The following RPAP2 variants were observed in gnomAD, a reference collection of about 807,000 sequenced individuals.
The protein encoded by RPAP2 is putative RNA polymerase II subunit B1 CTD phosphatase RPAP2.
Under a neutral mutation model 73.1 loss-of-function variants are expected in RPAP2, and 52 were observed. The observed-to-expected ratio is 0.71, with a 90% CI of 0.57 to 0.90. RPAP2 has a LOEUF of 0.90. RPAP2 is among the 40% of genes least tolerant of loss of function. The pLI, the probability that RPAP2 is intolerant of heterozygous loss-of-function variation, is 0.00. For missense variants in RPAP2, 598 were observed against 701.8 expected (o/e 0.85, Z 1.67); for synonymous variants, 225 against 242.1 (o/e 0.93, Z 0.65).
intron 11 of RPAP2, among the ~76,000 whole-genome samples, chr1:92,367,899 A>G (rs1654991943): frequency 6.6e-6 from 1 of 152,216 alleles, no homozygotes; most frequent in Non-Finnish European, 1.5e-5. Flanking sequence ...CGCTCAGGAA[A>G]ATCCTTCTAT....
rs1399368486 is a variant in RPAP2, at chr1:92,395,316, T to C, written c.*8305T>C. 1.3e-5 allele frequency: 2 copies of C among 152,144 alleles called. No homozygotes were observed. The highest frequency in any genetic ancestry group is 2.9e-5 in the Non-Finnish European group (2 of 68,014). The allele number at this position is 152,144 out of a possible 1,614,324, so 9.4% of individuals were successfully genotyped here. A position where few individuals can be genotyped will look rare whatever the true frequency, so the allele number is the denominator to read the frequency against. On this transcript the variant is annotated 3_prime_UTR_variant, in exon 13 of 13. Transcript: ENST00000610020. ...TAATAAATTGGACTTCATTAAAATA[T>C]AAAATTTTGTTTCAAAAAACTATTA...
chr1:92,349,517 T>G (rs1465959592), intron 11 of RPAP2, among the ~76,000 whole-genome samples: 1 of 152,156 alleles, frequency 6.6e-6, no homozygotes, highest in South Asian at 2.1e-4. Context: ...CAGGATAACA[T>G]AAATAAAACT....
rs150275588 is a variant in RPAP2, at chr1:92,329,578, C to T, written c.1456-3813C>T. Among the ~76,000 whole-genome samples, 384 of 152,300 alleles carry T rather than the reference C, an allele frequency of 2.5e-3. 3 individuals are homozygous for T. The highest frequency in any genetic ancestry group is 9.3e-3 in the South Asian group (45 of 4,826). On this transcript the variant is annotated intron_variant, in intron 8 of 12. Transcript: ENST00000610020. ...GTTCCTTGCCTTTTCTGGTATGTTTCTGCGGTAGTTCTTGGAGCAAAAGTT... is the reference window on the plus strand; with the variant it reads ...GTTCCTTGCCTTTTCTGGTATGTTTTTGCGGTAGTTCTTGGAGCAAAAGTT...
At chr1:92,340,919 T>C (rs1469208903) in intron 10 of RPAP2, among the ~76,000 whole-genome samples, 1 of 152,252 alleles carries the variant, frequency 6.6e-6, no homozygotes, top group Non-Finnish European at 1.5e-5. Context: ...AATTTATTTT[T>C]ACACAAAAGT....
At position 92,399,749 on chromosome 1, in the gene RPAP2, C is replaced by T. The variant is rs1341898515; in HGVS notation, c.*12738C>T. The T allele has an allele frequency of 6.6e-6, 1 of 152,186 alleles. No homozygotes were observed. Among genetic ancestry groups the T allele is most frequent in the Non-Finnish European group, 1.5e-5 (1 of 68,026 alleles). 9.4% of individuals were successfully genotyped at this position (152,186 alleles called of 1,614,324 possible). ...ACATCCTTACCTCTTATCCTTCTCA[C>T]ATCGTCCCATTAACACATTATCCAT... is the stretch of plus-strand genomic sequence containing the variant. On this transcript the variant is annotated 3_prime_UTR_variant, in exon 13 of 13. Transcript: ENST00000610020.
chr1:92,378,191 TCA>T (rs1655473132), intron 11 of RPAP2, among the ~76,000 whole-genome samples: 1 of 150,964 alleles, frequency 6.6e-6, no homozygotes, highest in Non-Finnish European at 1.5e-5. Flanking sequence ...ATTTATTCAT[TCA>T]TTCATTCATT....
At chr1:92,359,566 C>T (rs567461030) in intron 11 of RPAP2, among the ~76,000 whole-genome samples, 19 of 152,242 alleles carry the variant, frequency 1.2e-4, no homozygotes, top group Admixed American at 2.6e-4. Context: ...ATGATTCACC[C>T]GCCTTGGCCT....
Position 92,390,215 on chromosome 1 carries a change from G to C in RPAP2, c.*3204G>C, listed in dbSNP as rs1655999558. On this transcript the variant is annotated 3_prime_UTR_variant, in exon 13 of 13. Coordinates refer to ENST00000610020, the MANE Select transcript of RPAP2 (RefSeq NM_024813.3). ...GGACCTCTGGGCAGAAACCCTACAA[G>C]CCAGAAGAGAATGGGGGCCAATATT... 6.6e-6 allele frequency: 1 copy of C among 152,218 alleles called. No homozygotes were observed. Among genetic ancestry groups the C allele is most frequent in the South Asian group, 2.1e-4 (1 of 4,830 alleles). 9.4% of individuals were successfully genotyped at this position (152,218 alleles called of 1,614,324 possible). A position where few individuals can be genotyped will look rare whatever the true frequency, so the allele number is the denominator to read the frequency against.
Position 92,323,688 on chromosome 1 carries a change from T to C in RPAP2, c.768T>C (p.Ala256=), listed in dbSNP as rs766334864. 7 of 1,613,766 alleles carry C rather than the reference T, an allele frequency of 4.3e-6. No homozygotes were observed. The highest frequency in any genetic ancestry group is 5.9e-6 in the Non-Finnish European group (7 of 1,179,940). The part of the protein sequence containing the change: ...SIMKKKAGHK[A]NSKHKDKEQT... ...TGAAAAAGAAAGCTGGTCACAAAGC[T>C]AACTCCAAACACAAAGACAAAGAAC... Residue 256 remains alanine (A), a synonymous_variant, in exon 8 of 13, where the codon GCT becomes GCC. Coordinates refer to ENST00000610020, the MANE Select transcript of RPAP2 (RefSeq NM_024813.3).
intron 3 of RPAP2, among the ~76,000 whole-genome samples, chr1:92,302,741 G>A (rs1328845130): frequency 6.6e-6 from 1 of 151,104 alleles, no homozygotes; most frequent in East Asian, 2.0e-4. Flanking sequence ...AGCTGGGACT[G>A]GGCGCCCACC....
intron 11 of RPAP2, among the ~76,000 whole-genome samples, chr1:92,349,009 T>G (rs1437915437): frequency 3.3e-5 from 5 of 152,240 alleles, no homozygotes; most frequent in Non-Finnish European, 5.9e-5. Flanking sequence ...ACGTTATTTG[T>G]GGAGAAGTAA....
chr1:92,378,124 C>G (rs1252608529), intron 11 of RPAP2, among the ~76,000 whole-genome samples: 6 of 152,312 alleles, frequency 3.9e-5, no homozygotes, highest in Middle Eastern at 3.4e-3. Flanking sequence ...GAGCCAAATA[C>G]TAATCTCCTT....
intron 9 of RPAP2, among the ~76,000 whole-genome samples, chr1:92,334,935 C>T (rs1653188106): frequency 6.6e-6 from 1 of 152,068 alleles, no homozygotes; most frequent in African/African-American, 2.4e-5. Flanking sequence ...TTGCAGTGAG[C>T]CAAGATCGCA....
chr1:92,383,084 T>C (rs1026712930), intron 12 of RPAP2, among the ~76,000 whole-genome samples: 2 of 152,204 alleles, frequency 1.3e-5, no homozygotes, highest in African/African-American at 4.8e-5. Context: ...GTTGCAGATA[T>C]GCGGCATTAT....
chr1:92,324,788 G>A (rs1557602377), intron 8 of RPAP2, among the ~76,000 whole-genome samples: 4 of 152,098 alleles, frequency 2.6e-5, no homozygotes. Context: ...AGTTACATTG[G>A]AAAATATTTA....
intron 8 of RPAP2, among the ~76,000 whole-genome samples, chr1:92,329,365 G>T (rs1652829667): frequency 6.6e-6 from 1 of 152,200 alleles, no homozygotes; most frequent in African/African-American, 2.4e-5. Flanking sequence ...GGTCACTAGG[G>T]AAGTGGGGGA....
chr1:92,354,858 AAAATT>A (rs1654384574), intron 11 of RPAP2, among the ~76,000 whole-genome samples: 2 of 150,822 alleles, frequency 1.3e-5, no homozygotes, highest in African/African-American at 4.9e-5. Context: ...CTTTGTGCCT[AAAATT>A]AAATAAATGC....
intron 11 of RPAP2, among the ~76,000 whole-genome samples, chr1:92,357,549 G>C (rs1409047903): frequency 6.6e-6 from 1 of 151,994 alleles, no homozygotes; most frequent in East Asian, 1.9e-4. Context: ...TTTTTTGTTT[G>C]TTTTCAGACA....
intron 6 of RPAP2, 55 bp downstream of exon 6, chr1:92,307,331 C>G: frequency 4.0e-6 from 5 of 1,265,358 alleles, no homozygotes; most frequent in Non-Finnish European, 5.5e-6. Context: ...TAATTTGTTT[C>G]TGCTTTTTGA....
Sources: allele counts gnomAD v4.1 joint callset (sites outside exome capture counted in the v4.1 genomes callset), GRCh38; gene constraint gnomAD v4.1.1; transcripts MANE v1.5; gene names NCBI Gene and HGNC (gene_info 2026-07-23, HGNC 2026-07-21).